Variants in DSCAML1 observed in about 807,000 individuals in gnomAD.
DSCAML1 encodes DS cell adhesion molecule like 1.
DSCAML1 carries 38 observed loss-of-function variants against 200.5 expected under a neutral mutation model. That is an observed-to-expected ratio of 0.19 (90% CI 0.15 to 0.25). The LOEUF is 0.25. DSCAML1 is among the 10% of genes least tolerant of loss of function. The probability of loss-of-function intolerance (pLI) is 1.00; values close to 1 mark genes in which losing one functional copy is unlikely to be tolerated. For missense variants in DSCAML1, 2,223 were observed against 2,858.8 expected (o/e 0.78, Z 5.07); for synonymous variants, 1,215 against 1,165.0 (o/e 1.04, Z -0.87).
intron 3 of DSCAML1, among the ~76,000 whole-genome samples, chr11:117,615,294 G>T (rs2137538890): frequency 6.6e-6 from 1 of 152,334 alleles, no homozygotes; most frequent in South Asian, 2.1e-4. Flanking sequence ...AGGAAGAGGG[G>T]TTGGCCTGAG....
At chr11:117,440,890 C>T (rs2048030699) in intron 21 of DSCAML1, among the ~76,000 whole-genome samples, 1 of 139,930 alleles carries the variant, frequency 7.1e-6, no homozygotes, top group Admixed American at 7.5e-5. Flanking sequence ...CACTGCACTC[C>T]ACGCTGGGTG....
intron 5 of DSCAML1, among the ~76,000 whole-genome samples, chr11:117,522,106 C>T (rs2049896919): frequency 6.6e-6 from 1 of 152,238 alleles, no homozygotes; most frequent in Admixed American, 6.5e-5. Context: ...CAGCAACCTG[C>T]CTGCGATTTC....
intron 3 of DSCAML1, among the ~76,000 whole-genome samples, chr11:117,632,087 GTCCTAT>G (rs1393542380): frequency 3.3e-5 from 5 of 152,234 alleles, no homozygotes; most frequent in Non-Finnish European, 7.3e-5. Flanking sequence ...GATGTCGACA[GTCCTAT>G]CCCTGCTCAG....
intron 3 of DSCAML1, among the ~76,000 whole-genome samples, chr11:117,683,013 G>A (rs1211212068): frequency 6.6e-6 from 1 of 152,180 alleles, no homozygotes; most frequent in East Asian, 1.9e-4. Flanking sequence ...CAGAGGACTT[G>A]CCCCTTTCCT....
intron 31 of DSCAML1, among the ~76,000 whole-genome samples, 167 bp from the exon 32 acceptor site, chr11:117,431,200 CT>C (rs1469948536): frequency 1.3e-5 from 2 of 152,204 alleles, no homozygotes; most frequent in Admixed American, 6.5e-5. Context: ...GAAGTAGGAT[CT>C]TTGGCTCATG....
intron 3 of DSCAML1, among the ~76,000 whole-genome samples, chr11:117,676,929 G>C (rs1176146396): frequency 6.6e-6 from 1 of 152,250 alleles, no homozygotes; most frequent in Non-Finnish European, 1.5e-5. Context: ...GCTAAGTGAA[G>C]GAGGGTCCCA....
rs939590376 is a variant in DSCAML1 at position 117,469,031 on chromosome 11, G to C, written c.3024+879C>G. The stretch of plus-strand genomic sequence containing the variant: ...GGCCCTGAGAATGCTCTCTGATCCA[G>C]AGCCCTGTGCAGTGGCTGTGGAGGG... On this transcript the variant is annotated intron_variant, in intron 16 of 32. Transcript: ENST00000651296. The surrounding 1 kb of genome is among the most constrained non-coding windows in gnomAD (Gnocchi z 4.1). Among the ~76,000 whole-genome samples, 18 of 152,222 alleles carry C rather than the reference G, an allele frequency of 1.2e-4. 1 individual carries two copies. The highest frequency in any genetic ancestry group is 3.9e-4 in the African/African-American group (16 of 41,452).
At chr11:117,794,732 C>T (rs1350628714) in intron 1 of DSCAML1, among the ~76,000 whole-genome samples, 2 of 151,894 alleles carry the variant, frequency 1.3e-5, no homozygotes, top group Non-Finnish European at 2.9e-5. Context: ...CGCATCACAT[C>T]TTCCCCCAAG....
chr11:117,694,374 C>T (rs1029631272), intron 3 of DSCAML1, among the ~76,000 whole-genome samples: 3 of 150,970 alleles, frequency 2.0e-5, no homozygotes, highest in African/African-American at 7.3e-5. Context: ...CCACTCCACT[C>T]TAGCCTGGGC....
intron 3 of DSCAML1, among the ~76,000 whole-genome samples, chr11:117,725,853 A>AAAAC (rs1565896746): frequency 6.9e-4 from 93 of 135,492 alleles, no homozygotes; most frequent in African/African-American, 2.4e-3. Flanking sequence ...CAAAACAAAA[A>AAAAC]GGTAGGGAGG....
intron 3 of DSCAML1, among the ~76,000 whole-genome samples, chr11:117,651,315 C>T (rs2052627306): frequency 6.6e-6 from 1 of 152,190 alleles, no homozygotes. Context: ...TCCAGTGGCC[C>T]CAGCCCAAGG....
intron 3 of DSCAML1, among the ~76,000 whole-genome samples, chr11:117,742,359 A>G (rs1348745914): frequency 1.3e-5 from 2 of 152,238 alleles, no homozygotes; most frequent in Non-Finnish European, 2.9e-5. Flanking sequence ...ATTTACAGAC[A>G]GAGCTAAATC....
At chr11:117,440,175 ATGAGTATGATTTATTC>A (rs2048013472) in intron 21 of DSCAML1, among the ~76,000 whole-genome samples, 1 of 152,226 alleles carries the variant, frequency 6.6e-6, no homozygotes, top group Non-Finnish European at 1.5e-5. Context: ...GATTCAAAAA[ATGAGTATGATTTATTC>A]CCTGTCCTCA....
intron 3 of DSCAML1, among the ~76,000 whole-genome samples, chr11:117,592,969 A>T (rs548881769): frequency 5.8e-4 from 88 of 152,348 alleles, no homozygotes; most frequent in African/African-American, 1.9e-3. Context: ...CAGGCTCAGT[A>T]TCCTCTCCCA....
At chr11:117,452,016 C>A (rs1283283572) in intron 19 of DSCAML1, among the ~76,000 whole-genome samples, 1 of 152,182 alleles carries the variant, frequency 6.6e-6, no homozygotes, top group Non-Finnish European at 1.5e-5. Flanking sequence ...GGGCCTGAGT[C>A]CAGAACCTGG....
At chr11:117,742,632 G>A (rs775656205) in intron 3 of DSCAML1, among the ~76,000 whole-genome samples, 29 of 152,190 alleles carry the variant, frequency 1.9e-4, no homozygotes, top group Non-Finnish European at 3.2e-4. Context: ...TTGGAGAGCC[G>A]GGTCAGCATC....
In DSCAML1 at chr11:117,501,257, A is replaced by G. The variant is rs536536730; in HGVS notation, c.2359+2588T>C. Among the ~76,000 whole-genome samples the G allele has an allele frequency of 2.3e-3, 346 of 152,268 alleles. 3 individuals are homozygous for G. The highest frequency in any genetic ancestry group is 8.0e-3 in the African/African-American group (333 of 41,554). Reference sequence around the variant, plus strand: ...GTAGCTGGGGCGGGGGGTTACTTGGAACAGGCACCTGCCTCGAAGCAGCAG... The same window carrying G: ...GTAGCTGGGGCGGGGGGTTACTTGGGACAGGCACCTGCCTCGAAGCAGCAG... On this transcript the variant is annotated intron_variant, in intron 11 of 32. Transcript: ENST00000651296.
At chr11:117,655,913 G>A (rs187891330) in intron 3 of DSCAML1, among the ~76,000 whole-genome samples, 7 of 152,316 alleles carry the variant, frequency 4.6e-5, no homozygotes, top group South Asian at 2.1e-4. Context: ...AGTGTGCAGC[G>A]TGAGGGACGA....
chr11:117,797,226 G>T (rs1208666557), upstream of DSCAML1: 1 of 1,480,668 alleles, frequency 6.8e-7, no homozygotes, highest in South Asian at 1.3e-5. Flanking sequence ...TGCGGCGGCG[G>T]CTCCTCCCTC....
Sources: allele counts gnomAD v4.1 joint callset (sites outside exome capture counted in the v4.1 genomes callset), GRCh38; gene constraint gnomAD v4.1.1; non-coding constraint Gnocchi (gnomAD v3.1); transcripts MANE v1.5; gene names NCBI Gene and HGNC (gene_info 2026-07-23, HGNC 2026-07-21).